TCF3: variants seen among roughly 807,000 people sequenced by gnomAD.
TCF3 encodes the protein transcription factor E2-alpha.
TCF3 carries 54 observed loss-of-function variants against 72.3 expected under a neutral mutation model. The observed-to-expected ratio is 0.75, with a 90% CI of 0.60 to 0.94. The LOEUF (loss-of-function observed/expected upper bound fraction) is 0.94. TCF3 is among the 40% of genes least tolerant of loss of function. The pLI, the probability that TCF3 is intolerant of heterozygous loss-of-function variation, is 0.00. For missense variants in TCF3, 1,078 were observed against 934.4 expected (o/e 1.15, Z -2.00); for synonymous variants, 525 against 412.6 (o/e 1.27, Z -3.30).
chr19:1,644,173 C>T (rs549547524), intron 3 of TCF3, among the ~76,000 whole-genome samples: 22 of 152,356 alleles, frequency 1.4e-4, no homozygotes, highest in African/African-American at 2.2e-4. Flanking sequence ...GGGATCCCTC[C>T]GCCCCTCGCA....
chr19:1,636,204 G>C (rs980850806), intron 3 of TCF3, among the ~76,000 whole-genome samples: 3 of 152,148 alleles, frequency 2.0e-5, no homozygotes, highest in Non-Finnish European at 4.4e-5. Flanking sequence ...TTGTTGCCCA[G>C]GCTGGAGTGC....
At chr19:1,652,005 C>G (rs1368435467) in intron 1 of TCF3, among the ~76,000 whole-genome samples, 1 of 150,240 alleles carries the variant, frequency 6.7e-6, no homozygotes, top group South Asian at 2.1e-4. Flanking sequence ...GTTGCACAGC[C>G]CGTCCGGCGC....
At chr19:1,620,882 C>A in intron 13 of TCF3, 86 bp downstream of exon 13, 1 of 1,305,316 alleles carries the variant, frequency 7.7e-7, no homozygotes, top group Non-Finnish European at 1.0e-6. Context: ...CTCCCCTCCC[C>A]CGCAAAGCCT....
rs527443516 is a variant in TCF3 at position 1,610,739 on chromosome 19, C to T, written c.*968G>A. 1 of 231,894 alleles carries T rather than the reference C, an allele frequency of 4.3e-6. No homozygotes were observed. Among genetic ancestry groups the T allele is most frequent in the East Asian group, 6.1e-5 (1 of 16,434 alleles). 14.4% of individuals were successfully genotyped at this position (231,894 alleles called of 1,614,324 possible). ...GGGTCAGAGCCACCTTGCTGACGTC[C>T]CTTCCCCCAAGCCCAGGTCAGTCCC... is the stretch of plus-strand genomic sequence containing the variant. On this transcript the variant is annotated 3_prime_UTR_variant, in exon 19 of 19. Transcript: ENST00000262965.
In TCF3 at chr19:1,611,261, G is replaced by A. The variant is rs1020628319; in HGVS notation, c.*446C>T. 11 of 315,628 alleles carry A rather than the reference G, an allele frequency of 3.5e-5. No homozygotes were observed. The allele number at this position is 315,628 out of a possible 1,614,324, so 19.6% of individuals were successfully genotyped here. Reference sequence around the variant, plus strand: ...TAGAAGAATAAGCCAGGTTTCCACAGCATCCCCCTTGAGTGATATGTTTCC... The same window carrying A: ...TAGAAGAATAAGCCAGGTTTCCACAACATCCCCCTTGAGTGATATGTTTCC... On this transcript the variant is annotated 3_prime_UTR_variant, in exon 19 of 19. Coordinates refer to ENST00000262965, the MANE Select transcript of TCF3 (RefSeq NM_003200.5).
chr19:1,633,239 C>T (rs998248599), intron 3 of TCF3, among the ~76,000 whole-genome samples: 32 of 152,196 alleles, frequency 2.1e-4, no homozygotes, highest in African/African-American at 3.1e-4. Context: ...GAAGCAGGAG[C>T]GGGCCCTGGG....
In TCF3 at chr19:1,623,986, T is replaced by C; in HGVS notation, c.514A>G (p.Lys172Glu). The change falls in exon 8 of 19, where the codon AAG (lysine) becomes GAG (glutamate). Residue 172 changes from lysine to glutamate, a missense_variant. Coordinates refer to ENST00000262965, the MANE Select transcript of TCF3 (RefSeq NM_003200.5). ...ADGSLDTQPK[K>E]VRKVPPGLPS... The stretch of plus-strand genomic sequence containing the variant: ...AGACCCGGCGGGACCTTCCGGACCT[T>C]CTTGGGCTGCGTGTCTGTTAGAAGC... 1 of 1,613,314 alleles carries C rather than the reference T, an allele frequency of 6.2e-7. No homozygotes were observed. The highest frequency in any genetic ancestry group is 8.5e-7 in the Non-Finnish European group (1 of 1,179,912).
chr19:1,638,911 C>CT, intron 3 of TCF3, among the ~76,000 whole-genome samples: 1 of 152,348 alleles, frequency 6.6e-6, no homozygotes, highest in East Asian at 1.9e-4. Context: ...CGTCTTTAAT[C>CT]TGAAAACACG....
intron 14 of TCF3, 143 bp downstream of exon 14, chr19:1,619,637 G>A (rs900952787): frequency 2.6e-5 from 33 of 1,273,964 alleles, no homozygotes; most frequent in Non-Finnish European, 3.2e-5. Context: ...CACAAAATGT[G>A]TGTGCCTTGG....
chr19:1,621,104 C>T, intron 12 of TCF3, 29 bp downstream of exon 12: 1 of 1,524,670 alleles, frequency 6.6e-7, no homozygotes, highest in Non-Finnish European at 8.9e-7. Context: ...GGTCACTTGC[C>T]TGGCCACCCC....
At chr19:1,647,439 C>T (rs370009521) in intron 2 of TCF3, among the ~76,000 whole-genome samples, 131 of 152,344 alleles carry the variant, frequency 8.6e-4, no homozygotes, top group African/African-American at 3.0e-3. Flanking sequence ...CCTGTGGCCA[C>T]GATCCACAGG....
chr19:1,639,809 T>A (rs1367922327), intron 3 of TCF3, among the ~76,000 whole-genome samples: 1 of 141,014 alleles, frequency 7.1e-6, no homozygotes, highest in African/African-American at 2.7e-5. Flanking sequence ...AAAACATGCA[T>A]TATGGAAACC....
intron 1 of TCF3, chr19:1,650,936 C>G (rs1030604903): frequency 3.9e-5 from 9 of 231,552 alleles, no homozygotes; most frequent in South Asian, 1.8e-4. Flanking sequence ...CTCCCTCCCC[C>G]CAAGAAAACC....
intron 3 of TCF3, among the ~76,000 whole-genome samples, chr19:1,633,136 A>G (rs2063923642): frequency 6.6e-6 from 1 of 152,132 alleles, no homozygotes; most frequent in South Asian, 2.1e-4. Context: ...CTCACAGGCA[A>G]CGCCCAGGAC....
intron 3 of TCF3, among the ~76,000 whole-genome samples, chr19:1,642,848 G>A (rs1195367458): frequency 6.6e-6 from 1 of 152,218 alleles, no homozygotes; most frequent in East Asian, 1.9e-4. Context: ...CGGAGGAAAT[G>A]ACCCATGCGC....
Position 1,621,142 on chromosome 19 carries a change from T to C in TCF3, c.1005A>G (p.Ala335=), listed in dbSNP as rs937056968. The change falls in exon 12 of 19, where the codon GCA becomes GCG. Residue 335 remains alanine (A), a synonymous_variant. Coordinates refer to ENST00000262965, the MANE Select transcript of TCF3 (RefSeq NM_003200.5). ...ATGCCCCACGCCTCACCGAGGCCAG[T>C]GCTTTGCCGAGGGCATCCCCGGAGC... The part of the protein sequence containing the change: ...AGSSGDALGK[A]LASIYSPDHS... 1.3e-6 allele frequency: 2 copies of C among 1,541,912 alleles called. No homozygotes were observed. Among genetic ancestry groups the C allele is most frequent in the Admixed American group, 2.0e-5 (1 of 50,922 alleles).
At chr19:1,635,898 G>A (rs1488773495) in intron 3 of TCF3, among the ~76,000 whole-genome samples, 2 of 152,192 alleles carry the variant, frequency 1.3e-5, no homozygotes, top group African/African-American at 4.8e-5. Flanking sequence ...CCGTTTACTC[G>A]GGAGTAGGAG....
intron 13 of TCF3, among the ~76,000 whole-genome samples, chr19:1,620,103 C>A (rs994077808): frequency 2.6e-5 from 4 of 152,174 alleles, no homozygotes; most frequent in Admixed American, 6.5e-5. Context: ...TCCAACTCCC[C>A]ACTCAGAGGA....
In TCF3 at chr19:1,622,434, T is replaced by TGGGGGGG; in HGVS notation, c.550-20_550-19insCCCCCCC. 1 of 491,266 alleles carries TGGGGGGG rather than the reference T, an allele frequency of 2.0e-6. No homozygotes were observed. The highest frequency in any genetic ancestry group is 3.5e-6 in the Non-Finnish European group (1 of 287,086). The allele number at this position is 491,266 out of a possible 1,614,324, so 30.4% of individuals were successfully genotyped here. On this transcript the variant is annotated intron_variant, in intron 8 of 18. Transcript: ENST00000262965. ...GGTACACCTGCGGGCGGGTGGGCGGTGGGGGGTGCAGTCAGGACGGAGGGA... is the reference window on the plus strand; with the variant it reads ...GGTACACCTGCGGGCGGGTGGGCGGTGGGGGGGGGGGGGTGCAGTCAGGACGGAGGGA...
Sources: gnomAD v4.1 joint callset for allele counts (sites outside exome capture counted in the v4.1 genomes callset) on GRCh38, gnomAD v4.1.1 for gene constraint, MANE v1.5 for transcripts, NCBI Gene and HGNC (gene_info 2026-07-23, HGNC 2026-07-21) for gene names.